The following EPB41L5 variants were observed in gnomAD, a reference collection of about 807,000 sequenced individuals.
EPB41L5 encodes erythrocyte membrane protein band 4.1 like 5.
In EPB41L5, 55 loss-of-function variants were observed where a neutral mutation model predicts 106.6. That is an observed-to-expected ratio of 0.52 (90% confidence interval 0.42 to 0.65). The LOEUF (loss-of-function observed/expected upper bound fraction) is 0.65. EPB41L5 is among the 30% of genes least tolerant of loss of function. The pLI is 0.00. For synonymous variants in EPB41L5, 297 were observed against 306.7 expected (o/e 0.97, Z 0.33); for missense variants, 871 against 882.1 (o/e 0.99, Z 0.16).
chr2:120,134,828 A>G (rs1316858319), intron 18 of EPB41L5, among the ~76,000 whole-genome samples: 1 of 152,190 alleles, frequency 6.6e-6, no homozygotes, highest in South Asian at 2.1e-4. Context: ...ACGGCTTCTT[A>G]AGACAGATGG....
intron 2 of EPB41L5, among the ~76,000 whole-genome samples, chr2:120,026,391 C>T (rs750361127): frequency 4.6e-5 from 7 of 151,654 alleles, no homozygotes; most frequent in Admixed American, 1.3e-4. Flanking sequence ...GTTTTTGATA[C>T]GGAGTCTCAC....
chr2:120,122,018 A>T (rs548761919), intron 16 of EPB41L5, among the ~76,000 whole-genome samples: 3 of 151,974 alleles, frequency 2.0e-5, no homozygotes, highest in African/African-American at 7.2e-5. Context: ...CCACTTTTTG[A>T]TGGGGTTGTT....
intron 18 of EPB41L5, 69 bp from the exon 19 acceptor site, chr2:120,142,934 G>T: frequency 1.4e-6 from 2 of 1,391,966 alleles, no homozygotes; most frequent in African/African-American, 1.4e-5. Context: ...ACTTTCATCA[G>T]TCTATTTCCT....
chr2:120,095,678 A>C (rs1349104815), intron 14 of EPB41L5, among the ~76,000 whole-genome samples: 1 of 151,318 alleles, frequency 6.6e-6, no homozygotes, highest in African/African-American at 2.4e-5. Flanking sequence ...TAATTAATTA[A>C]TTTTTTTTGA....
intron 5 of EPB41L5, 81 bp downstream of exon 5, chr2:120,074,259 C>T (rs1682076960): frequency 9.5e-7 from 1 of 1,049,424 alleles, no homozygotes; most frequent in Admixed American, 2.5e-5. Flanking sequence ...CAATTTATAG[C>T]CAGCTAATAA....
At chr2:120,080,469 G>C (rs1420870670) in intron 10 of EPB41L5, among the ~76,000 whole-genome samples, 1 of 152,150 alleles carries the variant, frequency 6.6e-6, no homozygotes, top group Non-Finnish European at 1.5e-5. Context: ...AGTATTCCAT[G>C]GTGTATATGT....
chr2:120,148,639 T>C (rs909674275), intron 20 of EPB41L5, among the ~76,000 whole-genome samples: 1 of 152,160 alleles, frequency 6.6e-6, no homozygotes, highest in Non-Finnish European at 1.5e-5. Flanking sequence ...CTTCTTACAT[T>C]CAACGTAATA....
At chr2:120,119,738 G>A (rs935525626) in intron 16 of EPB41L5, among the ~76,000 whole-genome samples, 5 of 151,980 alleles carry the variant, frequency 3.3e-5, no homozygotes, top group African/African-American at 1.2e-4. Flanking sequence ...CATAAATATA[G>A]GCGATCAGAA....
At chr2:120,044,200 T>C (rs796500691) in intron 3 of EPB41L5, among the ~76,000 whole-genome samples, 1 of 152,144 alleles carries the variant, frequency 6.6e-6, no homozygotes, top group African/African-American at 2.4e-5. Flanking sequence ...TGTGAAACTA[T>C]TTTTCATAGT....
intron 2 of EPB41L5, among the ~76,000 whole-genome samples, chr2:120,036,231 G>T (rs1426938280): frequency 1.3e-5 from 2 of 152,120 alleles, no homozygotes; most frequent in Non-Finnish European, 2.9e-5. Flanking sequence ...AGAGAGCAGT[G>T]AATTATTATT....
intron 19 of EPB41L5, among the ~76,000 whole-genome samples, chr2:120,144,644 A>C (rs1686320988): frequency 6.6e-6 from 1 of 152,246 alleles, no homozygotes; most frequent in Non-Finnish European, 1.5e-5. Context: ...TTTTTCAAAA[A>C]GATAGAAGAG....
chr2:120,120,952 C>T (rs1245114084), intron 16 of EPB41L5, among the ~76,000 whole-genome samples: 1 of 152,162 alleles, frequency 6.6e-6, no homozygotes, highest in African/African-American at 2.4e-5. Flanking sequence ...CCCGTCTCCA[C>T]TAAAAATACA....
chr2:120,070,521 A>G (rs1681788723), intron 3 of EPB41L5, among the ~76,000 whole-genome samples: 1 of 151,718 alleles, frequency 6.6e-6, no homozygotes, highest in Non-Finnish European at 1.5e-5. Flanking sequence ...TGGCAGAGAC[A>G]CAACAACAAC....
intron 16 of EPB41L5, chr2:120,108,360 T>C (rs1452162931): frequency 1.3e-5 from 2 of 152,138 alleles, no homozygotes; most frequent in African/African-American, 4.8e-5. Context: ...TTTTTTGTTG[T>C]TGAAGGAAGT....
At chr2:120,058,572 G>T (rs114445987) in intron 3 of EPB41L5, among the ~76,000 whole-genome samples, 1 of 152,188 alleles carries the variant, frequency 6.6e-6, no homozygotes, top group African/African-American at 2.4e-5. Context: ...GATCAAAAAG[G>T]ATTGGTGGAG....
intron 20 of EPB41L5, among the ~76,000 whole-genome samples, chr2:120,155,121 G>A (rs1203400861): frequency 1.3e-5 from 2 of 151,974 alleles, no homozygotes; most frequent in African/African-American, 2.4e-5. Flanking sequence ...ATATGGTTTC[G>A]AGTTACTGGG....
chr2:120,054,872 T>C (rs1680536843), intron 3 of EPB41L5, among the ~76,000 whole-genome samples: 1 of 150,738 alleles, frequency 6.6e-6, no homozygotes, highest in Non-Finnish European at 1.5e-5. Context: ...ACACTTTTTT[T>C]TTTTTTTTTT....
chr2:120,091,081 C>A (rs1482420081), intron 12 of EPB41L5, among the ~76,000 whole-genome samples: 3 of 151,980 alleles, frequency 2.0e-5, no homozygotes, highest in African/African-American at 7.3e-5. Context: ...GTACTGTAGT[C>A]TACTTATATT....
Position 120,034,554 on chromosome 2 carries a change from C to A in EPB41L5, c.181-7452C>A, listed in dbSNP as rs139486246. Among the ~76,000 whole-genome samples the A allele has an allele frequency of 1.3e-3, 197 of 152,192 alleles. 1 individual carries two copies. Among genetic ancestry groups the A allele is most frequent in the African/African-American group, 4.6e-3 (189 of 41,528 alleles). ...CTTGTAGTGTAGTGATTGCCATTAG[C>A]AAATTTTAGCACAGTTAAATTTGTT... On this transcript the variant is annotated intron_variant, in intron 2 of 24. Transcript: ENST00000263713.
Sources: allele counts gnomAD v4.1 joint callset (sites outside exome capture counted in the v4.1 genomes callset), GRCh38; gene constraint gnomAD v4.1.1; transcripts MANE v1.5; gene names NCBI Gene and HGNC (gene_info 2026-07-23, HGNC 2026-07-21).